MCTP1: variants seen among roughly 807,000 people sequenced by gnomAD.
MCTP1 encodes the protein multiple C2 and transmembrane domain-containing protein 1.
MCTP1 carries 69 observed loss-of-function variants against 120.6 expected under a neutral mutation model. That is an observed-to-expected ratio of 0.57 (90% confidence interval 0.47 to 0.70). The LOEUF is 0.70. Ranked by LOEUF, MCTP1 falls within the 30% of genes least tolerant of loss-of-function variation. The pLI is 0.00. For synonymous variants in MCTP1, 529 were observed against 493.1 expected (o/e 1.07, Z -0.96); for missense variants, 1,203 against 1,248.8 (o/e 0.96, Z 0.55).
intron 1 of MCTP1, among the ~76,000 whole-genome samples, chr5:95,091,105 C>T (rs984402120): frequency 6.6e-6 from 1 of 152,126 alleles, no homozygotes; most frequent in Non-Finnish European, 1.5e-5. Flanking sequence ...ACCTTCCCCC[C>T]AACCCCAAAC....
At chr5:95,014,276 A>AAC (rs1464788527) in intron 2 of MCTP1, among the ~76,000 whole-genome samples, 1 of 150,062 alleles carries the variant, frequency 6.7e-6, no homozygotes, top group Non-Finnish European at 1.5e-5. Context: ...CAACAACAAC[A>AAC]AAAAATCCAT....
intron 2 of MCTP1, among the ~76,000 whole-genome samples, chr5:95,001,791 G>C (rs376741054): frequency 1.3e-5 from 2 of 152,286 alleles, no homozygotes; most frequent in South Asian, 2.1e-4. Flanking sequence ...ATCATTTTTG[G>C]GGGGAGAAAT....
At chr5:95,269,568 C>CA (rs1311353559) in intron 1 of MCTP1, among the ~76,000 whole-genome samples, 1 of 152,172 alleles carries the variant, frequency 6.6e-6, no homozygotes, top group Non-Finnish European at 1.5e-5. Flanking sequence ...GCCTTCTCTC[C>CA]AAAACAATGG....
chr5:95,243,208 C>A (rs1308046167), intron 1 of MCTP1, among the ~76,000 whole-genome samples: 1 of 151,870 alleles, frequency 6.6e-6, no homozygotes, highest in African/African-American at 2.4e-5. Context: ...AAAGATGAGA[C>A]TGATTTAAAA....
At chr5:94,876,873 A>G (rs190303118) in intron 12 of MCTP1, among the ~76,000 whole-genome samples, 1 of 152,156 alleles carries the variant, frequency 6.6e-6, no homozygotes, top group Non-Finnish European at 1.5e-5. Context: ...TGCTTTTTGA[A>G]GCATTCATTA....
chr5:95,183,200 A>G (rs1748813241), intron 1 of MCTP1, among the ~76,000 whole-genome samples: 2 of 152,088 alleles, frequency 1.3e-5, no homozygotes, highest in South Asian at 4.1e-4. Flanking sequence ...AGAAATGGAT[A>G]GTGGTCTCAA....
At chr5:94,726,091 A>G (rs1762070319) in intron 19 of MCTP1, among the ~76,000 whole-genome samples, 1 of 152,194 alleles carries the variant, frequency 6.6e-6, no homozygotes, top group South Asian at 2.1e-4. Context: ...CACGAGGGTG[A>G]TGGATATTAT....
At chr5:95,137,644 A>G (rs1554213046) in intron 1 of MCTP1, among the ~76,000 whole-genome samples, 3 of 152,186 alleles carry the variant, frequency 2.0e-5, no homozygotes, top group Non-Finnish European at 4.4e-5. Flanking sequence ...GTGGAAATCT[A>G]TTGCTTGTAT....
At chr5:95,069,591 C>T (rs890417252) in intron 1 of MCTP1, among the ~76,000 whole-genome samples, 36 of 151,988 alleles carry the variant, frequency 2.4e-4, no homozygotes, top group African/African-American at 8.0e-4. Context: ...ACAAGTATAA[C>T]GAAGGCACCC....
chr5:95,229,785 A>G (rs149519246), intron 1 of MCTP1, among the ~76,000 whole-genome samples: 2 of 152,136 alleles, frequency 1.3e-5, no homozygotes, highest in African/African-American at 4.8e-5. Flanking sequence ...GGAGATGACC[A>G]CTGATGCTTA....
At chr5:94,772,240 A>G (rs1377041082) in intron 19 of MCTP1, among the ~76,000 whole-genome samples, 1 of 151,882 alleles carries the variant, frequency 6.6e-6, no homozygotes, top group African/African-American at 2.4e-5. Flanking sequence ...TCTCTTTCTG[A>G]GTCTGGTTAA....
intron 17 of MCTP1, among the ~76,000 whole-genome samples, chr5:94,851,162 G>A (rs909438607): frequency 1.3e-5 from 2 of 152,146 alleles, no homozygotes; most frequent in South Asian, 4.1e-4. Context: ...TATGAAATAT[G>A]CTGAGTCAGT....
intron 2 of MCTP1, among the ~76,000 whole-genome samples, chr5:94,991,465 G>C (rs1346697430): frequency 6.6e-6 from 1 of 152,102 alleles, no homozygotes; most frequent in East Asian, 1.9e-4. Context: ...GTTTTCTCTA[G>C]CTTTTTCTTG....
intron 1 of MCTP1, among the ~76,000 whole-genome samples, chr5:95,185,272 C>T (rs1026343130): frequency 4.6e-5 from 7 of 152,148 alleles, no homozygotes; most frequent in Non-Finnish European, 1.0e-4. Context: ...ATTCTATGAA[C>T]TTAGATGCAG....
chr5:95,000,852 C>T lies in MCTP1; in HGVS notation c.838+16515G>A, dbSNP rs563583112. Among the ~76,000 whole-genome samples, 5 of 152,342 alleles carry T rather than the reference C, an allele frequency of 3.3e-5. No homozygotes were observed. In the South Asian group the frequency reaches 1.0e-3, roughly 32 times the overall value. ...CTAGGTCTCCACATCTACTCACTGA[C>T]TCACCCAGAGCAACTTGCAATCCTA... On this transcript the variant is annotated intron_variant, in intron 2 of 22. Coordinates refer to ENST00000515393, the MANE Select transcript of MCTP1 (RefSeq NM_024717.7).
chr5:95,061,441 T>G lies in MCTP1; in HGVS notation c.721-43957A>C, dbSNP rs1749161942. On this transcript the variant is annotated intron_variant, in intron 1 of 22. Transcript: ENST00000515393. Reference sequence around the variant, plus strand: ...TTTTTTTTTTTTTTTTTTTTTTTTTTTTTTTTTTTTTTGAGACGGAGTCTC... The same window carrying G: ...TTTTTTTTTTTTTTTTTTTTTTTTTGTTTTTTTTTTTTGAGACGGAGTCTC... Among the ~76,000 whole-genome samples, 4 of 69,696 alleles carry G rather than the reference T, an allele frequency of 5.7e-5. 2 individuals carry two copies. In the Admixed American group the frequency reaches 6.4e-4, roughly 11 times the overall value. The allele number at this position is 69,696 out of a possible 152,430, so 45.7% of individuals were successfully genotyped here.
intron 1 of MCTP1, among the ~76,000 whole-genome samples, chr5:95,184,731 G>T (rs1280105481): frequency 6.6e-6 from 1 of 152,096 alleles, no homozygotes; most frequent in African/African-American, 2.4e-5. Context: ...TGCTCCTGGG[G>T]ATAACATCAC....
intron 2 of MCTP1, among the ~76,000 whole-genome samples, chr5:94,997,399 C>A (rs1469770310): frequency 6.6e-6 from 1 of 152,188 alleles, no homozygotes; most frequent in Non-Finnish European, 1.5e-5. Flanking sequence ...AGAGAAGAGA[C>A]TGGGAGTCAT....
chr5:94,954,167 TACATATATATATATGC>T (rs1171235118), intron 2 of MCTP1, among the ~76,000 whole-genome samples: 1 of 98,620 alleles, frequency 1.0e-5, no homozygotes, highest in African/African-American at 4.5e-5. Context: ...TGCATATATA[TACATATATATATATGC>T]ATATATATAT....
Sources: gnomAD v4.1 joint callset for allele counts (sites outside exome capture counted in the v4.1 genomes callset) on GRCh38, gnomAD v4.1.1 for gene constraint, MANE v1.5 for transcripts, NCBI Gene and HGNC (gene_info 2026-07-23, HGNC 2026-07-21) for gene names.